The following PLEKHA6 variants were observed in gnomAD, a reference collection of about 807,000 sequenced individuals.
PLEKHA6 encodes pleckstrin homology domain-containing family A member 6.
A neutral mutation model predicts 116.7 loss-of-function variants in PLEKHA6; 60 were observed. The ratio of observed to expected loss-of-function variants is 0.51; its 90% CI spans 0.42 to 0.64. PLEKHA6 has a LOEUF of 0.64. Among genes scored for constraint, PLEKHA6 ranks in the 30% least tolerant of loss-of-function variants. The pLI is 0.00. For synonymous variants in PLEKHA6, 489 were observed against 556.1 expected (o/e 0.88, Z 1.70); for missense variants, 1,338 against 1,422.7 (o/e 0.94, Z 0.96).
At chr1:204,316,284 T>C (rs1008921504) in intron 1 of PLEKHA6, among the ~76,000 whole-genome samples, 4 of 152,282 alleles carry the variant, frequency 2.6e-5, no homozygotes, top group South Asian at 2.1e-4. Context: ...GAGGCCCTGG[T>C]TGGGTAAGAA....
chr1:204,319,609 A>G (rs1671984272), intron 1 of PLEKHA6, among the ~76,000 whole-genome samples: 1 of 152,096 alleles, frequency 6.6e-6, no homozygotes, highest in Non-Finnish European at 1.5e-5. Context: ...TTTGTCTGTA[A>G]GTCAGAAGCA....
intron 9 of PLEKHA6, chr1:204,255,673 G>T (rs1167452252): frequency 7.1e-6 from 5 of 702,798 alleles, no homozygotes; most frequent in Non-Finnish European, 1.3e-5. Flanking sequence ...AGATCTAAAA[G>T]TTCATCCTAC....
chr1:204,265,949 T>G lies in PLEKHA6; in HGVS notation c.281-907A>C, dbSNP rs570639920. Among the ~76,000 whole-genome samples the G allele has an allele frequency of 2.0e-5, 3 of 152,276 alleles. No individual in the cohort carries two copies. In the East Asian group the frequency reaches 5.8e-4, roughly 29 times the overall value. ...AAGCAAGAAAGGGCGGGGAGTGCTC[T>G]GTGGGACAGTGGGGGGGACAATTAT... On this transcript the variant is annotated intron_variant, in intron 5 of 22. Transcript: ENST00000272203.
Position 204,377,138 on chromosome 1 carries a change from C to T in PLEKHA6, c.83+445G>A, listed in dbSNP as rs112129769. 1.6e-3 allele frequency among the ~76,000 whole-genome samples: 237 copies of T among 152,212 alleles called. 1 individual carries two copies. The highest frequency in any genetic ancestry group is 5.4e-3 in the African/African-American group (224 of 41,522). On this transcript the variant is annotated intron_variant, in intron 1 of 4. Coordinates refer to the PLEKHA6 transcript ENST00000564627. The stretch of plus-strand genomic sequence containing the variant: ...CACGCTGAGTCTGGGGCGAGGGTTG[C>T]CAGGAACTGAGTGGTAGAGGCAGGA...
In PLEKHA6 at chr1:204,244,831, C is replaced by T. The variant is rs777476705; in HGVS notation, c.2172+33G>A. On this transcript the variant is annotated intron_variant, in intron 15 of 22. Transcript: ENST00000272203. ...CAAACGAGGATCTGGTCCTCCCTCC[C>T]CCACCTACCTTCTACTCCATTTCTC... 2.0e-6 allele frequency: 3 copies of T among 1,503,370 alleles called. No homozygotes were observed. In the Admixed American group the frequency reaches 6.4e-5, roughly 32 times the overall value. The allele number at this position is 1,503,370 out of a possible 1,614,324, so 93.1% of individuals were successfully genotyped here. A position where few individuals can be genotyped will look rare whatever the true frequency, so the allele number is the denominator to read the frequency against.
intron 1 of PLEKHA6, among the ~76,000 whole-genome samples, chr1:204,299,118 C>CT (rs555933572): frequency 6.6e-6 from 1 of 152,224 alleles, no homozygotes. Context: ...GCTTCAGCTG[C>CT]TTTGAGTAGT....
chr1:204,357,549 C>A (rs1572228148), intron 1 of PLEKHA6, among the ~76,000 whole-genome samples: 1 of 152,238 alleles, frequency 6.6e-6, no homozygotes, highest in Admixed American at 6.5e-5. Flanking sequence ...GCTTCCTGAG[C>A]CCGTTCGCCT....
rs372758219 is a variant in PLEKHA6, at chr1:204,245,634, C to T, written c.2013G>A (p.Thr671=). 85 of 1,611,134 alleles carry T rather than the reference C, an allele frequency of 5.3e-5. No individual in the cohort carries two copies. The highest frequency in any genetic ancestry group is 1.1e-4 in the African/African-American group (8 of 74,942). Reference sequence around the variant, plus strand: ...ACCCACCTCTGTGCTTGGCGGTGTCCGTGCCCCGGGAGGGGTTGTTCTTCC... The same window carrying T: ...ACCCACCTCTGTGCTTGGCGGTGTCTGTGCCCCGGGAGGGGTTGTTCTTCC... ...GLRKNNPSRG[T]DTAKHRGGLG... The change falls in exon 14 of 23, where the codon ACG becomes ACA. Residue 671 remains threonine, a synonymous_variant. Transcript: ENST00000272203.
intron 9 of PLEKHA6, chr1:204,251,744 C>T (rs780880778): frequency 1.6e-6 from 1 of 606,080 alleles, no homozygotes; most frequent in Non-Finnish European, 3.0e-6. Flanking sequence ...GCCCTCACTC[C>T]TTGCTCACCC....
chr1:204,297,151 A>G, intron 1 of PLEKHA6: 1 of 981,088 alleles, frequency 1.0e-6, no homozygotes, highest in Non-Finnish European at 1.2e-6. Context: ...GTCACTAACT[A>G]ACATATCCTT....
chr1:204,268,134 T>C, intron 4 of PLEKHA6, 74 bp downstream of exon 4: 1 of 932,024 alleles, frequency 1.1e-6, no homozygotes, highest in Non-Finnish European at 1.6e-6. Context: ...CAGCCTGTCA[T>C]AAGCACAGAG....
At chr1:204,286,692 C>T (rs980504619) in intron 1 of PLEKHA6, among the ~76,000 whole-genome samples, 1 of 152,140 alleles carries the variant, frequency 6.6e-6, no homozygotes, top group Non-Finnish European at 1.5e-5. Context: ...AGTTTGCATC[C>T]CCCATGAAGC....
At chr1:204,312,726 A>G (rs1015140404) in intron 1 of PLEKHA6, among the ~76,000 whole-genome samples, 1 of 152,224 alleles carries the variant, frequency 6.6e-6, no homozygotes, top group South Asian at 2.1e-4. Flanking sequence ...GGACAGGCAC[A>G]GAAGAATCAC....
intron 1 of PLEKHA6, among the ~76,000 whole-genome samples, chr1:204,359,200 G>A (rs1006948032): frequency 1.3e-5 from 2 of 151,822 alleles, no homozygotes; most frequent in Admixed American, 6.6e-5. Flanking sequence ...GTCACCCTTC[G>A]ACCCAACCTC....
At chr1:204,297,259 T>C (rs1177972781) in intron 1 of PLEKHA6, 2 of 933,404 alleles carry the variant, frequency 2.1e-6, no homozygotes, top group African/African-American at 1.8e-5. Context: ...CATGGATACA[T>C]GGAGTGTCTA....
rs202239546 is a variant in PLEKHA6, at chr1:204,265,008, G to A, written c.315C>T (p.Pro105=). ...CTGCGGCTACCCGGAAGCTCAGGAG[G>A]GGGATGCTGCCCAGGATACTCTCTT... The part of the protein sequence containing the change: ...EKEESILGSI[P]LLSFRVAAVQ... The change falls in exon 6 of 23, where the codon CCC becomes CCT. Residue 105 remains proline (P), a synonymous_variant. Coordinates refer to ENST00000272203, the MANE Select transcript of PLEKHA6 (RefSeq NM_014935.5). The A allele has an allele frequency of 6.1e-5, 99 of 1,613,964 alleles. No homozygotes were observed. The Middle Eastern group carries it at 6.6e-4, about 11-fold the overall frequency.
chr1:204,329,888 CAAAA>C (rs35574473), intron 1 of PLEKHA6, among the ~76,000 whole-genome samples: 1 of 118,418 alleles, frequency 8.4e-6, no homozygotes, highest in Non-Finnish European at 1.8e-5. Flanking sequence ...GACCCTGTCT[CAAAA>C]AAAAAAAAAA....
chr1:204,301,361 G>A, intron 1 of PLEKHA6: 1 of 968,460 alleles, frequency 1.0e-6, no homozygotes, highest in South Asian at 4.8e-5. Context: ...ATGGGACAGG[G>A]GAGAGGATTC....
intron 1 of PLEKHA6, among the ~76,000 whole-genome samples, chr1:204,324,355 C>T (rs1268533839): frequency 6.6e-6 from 1 of 152,002 alleles, no homozygotes; most frequent in East Asian, 1.9e-4. Flanking sequence ...CAAAGACATG[C>T]TGAAAAGATT....
Sources: gnomAD v4.1 joint callset for allele counts (sites outside exome capture counted in the v4.1 genomes callset) on GRCh38, gnomAD v4.1.1 for gene constraint, MANE v1.5 for transcripts, NCBI Gene and HGNC (gene_info 2026-07-23, HGNC 2026-07-21) for gene names.